The following ITGBL1 variants were observed in gnomAD, a reference collection of about 807,000 sequenced individuals.
The protein encoded by ITGBL1 is integrin beta-like protein 1.
In ITGBL1, 51 loss-of-function variants were observed where a neutral mutation model predicts 68.5. The observed-to-expected ratio is 0.74, with a 90% CI of 0.59 to 0.94. The LOEUF is 0.94. ITGBL1 is among the 40% of genes least tolerant of loss of function. The probability of loss-of-function intolerance (pLI) is 0.00; values close to 1 mark genes in which losing one functional copy is unlikely to be tolerated. For missense variants in ITGBL1, 649 were observed against 647.4 expected, an observed-to-expected ratio of 1.00 and a Z score of -0.03; for synonymous variants, 209 against 227.3, an observed-to-expected ratio of 0.92 and a Z score of 0.72.
At chr13:101,534,764 T>G (rs767742542) in intron 2 of ITGBL1, among the ~76,000 whole-genome samples, 2 of 152,168 alleles carry the variant, frequency 1.3e-5, no homozygotes, top group African/African-American at 2.4e-5. Context: ...AAAGGGCTTA[T>G]TAAGCTGTGT....
intron 7 of ITGBL1, among the ~76,000 whole-genome samples, chr13:101,661,308 G>T (rs1479714522): frequency 6.6e-6 from 1 of 152,052 alleles, no homozygotes; most frequent in Non-Finnish European, 1.5e-5. Context: ...CTAAGTTCAG[G>T]ACACGTTTTT....
Position 101,590,702 on chromosome 13 carries a change from T to TCTAA in ITGBL1, c.868+7348_868+7349insAACT, listed in dbSNP as rs145908855. 9.0e-3 allele frequency among the ~76,000 whole-genome samples: 1,371 copies of TCTAA among 152,282 alleles called. 20 individuals are homozygous for TCTAA. Among genetic ancestry groups the TCTAA allele is most frequent in the African/African-American group, 0.031 (1,295 of 41,546 alleles). Reference sequence around the variant, plus strand: ...CTTTGCCCAGTTTCCTCACAACAGATCTGTCGCTGAAATAAAACCACTTGT... The same window carrying TCTAA: ...CTTTGCCCAGTTTCCTCACAACAGATCTAACTGTCGCTGAAATAAAACCACTTGT... On this transcript the variant is annotated intron_variant, in intron 6 of 10. Transcript: ENST00000376180.
chr13:101,545,951 A>C (rs544900445), intron 2 of ITGBL1, among the ~76,000 whole-genome samples: 1 of 152,254 alleles, frequency 6.6e-6, no homozygotes, highest in Non-Finnish European at 1.5e-5. Flanking sequence ...AGAATAAAGA[A>C]TAATTTTTTA....
intron 3 of ITGBL1, among the ~76,000 whole-genome samples, chr13:101,572,965 T>G (rs1482384043): frequency 6.6e-6 from 1 of 152,152 alleles, no homozygotes. Flanking sequence ...AGAAAACATA[T>G]GACACAAAGG....
chr13:101,666,600 G>A (rs1221239986), intron 7 of ITGBL1, among the ~76,000 whole-genome samples: 4 of 151,242 alleles, frequency 2.6e-5, no homozygotes, highest in African/African-American at 9.7e-5. Context: ...TAAAATTTTT[G>A]TGAGTACAGA....
intron 2 of ITGBL1, among the ~76,000 whole-genome samples, chr13:101,529,037 G>C (rs1217366406): frequency 6.6e-6 from 1 of 151,556 alleles, no homozygotes; most frequent in East Asian, 1.9e-4. Context: ...CTATACCATA[G>C]GGAAAAATAG....
At position 101,601,047 on chromosome 13, in the gene ITGBL1, G is replaced by A. The variant is rs193124145; in HGVS notation, c.1015+2748G>A. 7.9e-5 allele frequency among the ~76,000 whole-genome samples: 12 copies of A among 152,256 alleles called. No individual in the cohort carries two copies. The East Asian group carries it at 1.7e-3, about 22-fold the overall frequency. ...CCTCCTTGTACCTCTGGTAGAATTC[G>A]GCTGTGAATCCATCTAGTCGTGGAC... On this transcript the variant is annotated intron_variant, in intron 7 of 10. Coordinates refer to ENST00000376180, the MANE Select transcript of ITGBL1 (RefSeq NM_004791.3).
intron 6 of ITGBL1, among the ~76,000 whole-genome samples, chr13:101,590,332 G>A (rs1004752115): frequency 2.6e-5 from 4 of 152,048 alleles, no homozygotes; most frequent in African/African-American, 4.8e-5. Context: ...ACTTAAGAAC[G>A]TTCTCCCTTC....
At chr13:101,718,155 A>C (rs1016270141), downstream of ITGBL1, 4 of 152,118 alleles carry the variant, frequency 2.6e-5, no homozygotes, top group Non-Finnish European at 5.9e-5. Context: ...ATGGTACCTA[A>C]ACTCTAAGGA....
intron 2 of ITGBL1, among the ~76,000 whole-genome samples, chr13:101,520,200 C>CT (rs1427805034): frequency 6.6e-6 from 1 of 152,134 alleles, no homozygotes; most frequent in African/African-American, 2.4e-5. Flanking sequence ...ATGAAAGACT[C>CT]TAAGATTCAA....
At chr13:101,579,839 T>C (rs774884242) in intron 5 of ITGBL1, among the ~76,000 whole-genome samples, 1 of 152,184 alleles carries the variant, frequency 6.6e-6, no homozygotes, top group African/African-American at 2.4e-5. Context: ...ATTATGAGTA[T>C]ATGGAAGGCT....
intron 6 of ITGBL1, among the ~76,000 whole-genome samples, chr13:101,584,974 C>G (rs1225200065): frequency 6.6e-6 from 1 of 151,584 alleles, no homozygotes; most frequent in Non-Finnish European, 1.5e-5. Flanking sequence ...GCATTCCAAG[C>G]AGAAGGAACA....
intron 2 of ITGBL1, among the ~76,000 whole-genome samples, chr13:101,455,679 A>G (rs1014523960): frequency 2.0e-5 from 3 of 152,206 alleles, no homozygotes; most frequent in Admixed American, 1.3e-4. Flanking sequence ...ATAAATTAAT[A>G]AATAAAATTA....
chr13:101,533,777 C>G (rs2049523494), intron 2 of ITGBL1, among the ~76,000 whole-genome samples: 1 of 151,738 alleles, frequency 6.6e-6, no homozygotes, highest in Admixed American at 6.6e-5. Context: ...CATCTCTTGG[C>G]TAAGGCCTAA....
At chr13:101,585,750 CT>C (rs1461230363) in intron 6 of ITGBL1, among the ~76,000 whole-genome samples, 1 of 151,932 alleles carries the variant, frequency 6.6e-6, no homozygotes, top group East Asian at 1.9e-4. Flanking sequence ...TTTAAGATTG[CT>C]TTTGAGATAA....
At chr13:101,619,195 T>C (rs1182010404) in intron 7 of ITGBL1, among the ~76,000 whole-genome samples, 1 of 152,132 alleles carries the variant, frequency 6.6e-6, no homozygotes, top group Admixed American at 6.6e-5. Context: ...AATTCATTGA[T>C]GATTGTGGTA....
intron 2 of ITGBL1, among the ~76,000 whole-genome samples, chr13:101,459,392 G>A (rs539183962): frequency 7.3e-4 from 111 of 152,282 alleles, no homozygotes; most frequent in Non-Finnish European, 1.3e-3. Context: ...ATGTATGTAT[G>A]TATAAATTTA....
intron 5 of ITGBL1, among the ~76,000 whole-genome samples, chr13:101,581,011 A>AT (rs139563621): frequency 0.19 from 28,457 of 151,094 alleles, 2,873 homozygotes; most frequent in East Asian, 0.23. Flanking sequence ...GAGATGAGTC[A>AT]TTTTTTTTTC....
intron 2 of ITGBL1, among the ~76,000 whole-genome samples, chr13:101,544,804 T>G (rs534858610): frequency 6.6e-6 from 1 of 152,332 alleles, no homozygotes; most frequent in East Asian, 1.9e-4. Flanking sequence ...GATCTCAGAC[T>G]GCTGTGCTAG....
Sources: gnomAD v4.1 joint callset for allele counts (sites outside exome capture counted in the v4.1 genomes callset) on GRCh38, gnomAD v4.1.1 for gene constraint, MANE v1.5 for transcripts, NCBI Gene and HGNC (gene_info 2026-07-23, HGNC 2026-07-21) for gene names.